MIGA2: variants seen among roughly 807,000 people sequenced by gnomAD.
The protein encoded by MIGA2 is mitoguardin 2, also known as family with sequence similarity 73, member B.
MIGA2 carries 36 observed loss-of-function variants against 69.9 expected under a neutral mutation model. The observed-to-expected ratio is 0.52, with a 90% CI of 0.39 to 0.68. MIGA2 has a LOEUF of 0.68. MIGA2 is among the 30% of genes least tolerant of loss of function. The pLI is 0.00. For synonymous variants in MIGA2, 333 were observed against 349.2 expected, an observed-to-expected ratio of 0.95 and a Z score of 0.52; for missense variants, 660 against 787.7, an observed-to-expected ratio of 0.84 and a Z score of 1.94.
Position 129,049,507 on chromosome 9 carries a change from A to G in MIGA2, c.538+9A>G, listed in dbSNP as rs1178304363. On this transcript the variant is annotated intron_variant, in intron 5 of 15. Coordinates refer to ENST00000684074, the MANE Select transcript of MIGA2 (RefSeq NM_001329990.2). ...GAGCCTGTACATGCAAGGTGTGGCC[A>G]GGAGGTGCCTCAGCTTCGAGGGCAG... is the stretch of plus-strand genomic sequence containing the variant. 1 of 1,612,136 alleles carries G rather than the reference A, an allele frequency of 6.2e-7. No individual in the cohort carries two copies. The highest frequency in any genetic ancestry group is 8.5e-7 in the Non-Finnish European group (1 of 1,178,954).
intron 3 of MIGA2, among the ~76,000 whole-genome samples, chr9:129,045,844 G>GT (rs1433366299): frequency 4.0e-5 from 6 of 148,884 alleles, no homozygotes; most frequent in African/African-American, 1.5e-4. Context: ...AAAAATAAGT[G>GT]TTTTGTTTTT....
chr9:129,037,131 G>T (rs958663078), intron 1 of MIGA2: 14 of 858,170 alleles, frequency 1.6e-5, no homozygotes, highest in Non-Finnish European at 2.0e-5. Flanking sequence ...CCAACGCGGG[G>T]ATGCCCGGTG....
chr9:129,061,378 G>A lies in MIGA2; in HGVS notation c.1010+32G>A. 6.6e-7 allele frequency: 1 copy of A among 1,523,460 alleles called. No homozygotes were observed. The allele number at this position is 1,523,460 out of a possible 1,614,324, so 94.4% of individuals were successfully genotyped here. A position where few individuals can be genotyped will look rare whatever the true frequency, so the allele number is the denominator to read the frequency against. On this transcript the variant is annotated intron_variant, in intron 9 of 15. Coordinates refer to ENST00000684074, the MANE Select transcript of MIGA2 (RefSeq NM_001329990.2). This position sits in a 1 kb window ranked among gnomAD's most constrained non-coding sequence, Gnocchi z 5.0. ...AGGTGTGGAGGGAGGGAGGGAGGGAGCAGGAGGCGATGGGTGATTCTGGCC... is the reference window on the plus strand; with the variant it reads ...AGGTGTGGAGGGAGGGAGGGAGGGAACAGGAGGCGATGGGTGATTCTGGCC...
chr9:129,070,621 C>T lies in MIGA2; in HGVS notation c.*168C>T, dbSNP rs533754929. 2.7e-6 allele frequency: 2 copies of T among 733,118 alleles called. No homozygotes were observed. The highest frequency in any genetic ancestry group is 4.3e-6 in the Non-Finnish European group (2 of 463,966). 45.4% of individuals were successfully genotyped at this position (733,118 alleles called of 1,614,324 possible). A position where few individuals can be genotyped will look rare whatever the true frequency, so the allele number is the denominator to read the frequency against. On this transcript the variant is annotated 3_prime_UTR_variant, in exon 16 of 16. Transcript: ENST00000684074. The stretch of plus-strand genomic sequence containing the variant: ...GACATTTCCATGGAGAAGAACGGTT[C>T]CTGGGGGAAGCAGAGGCCAGGACCA...
At position 129,059,125 on chromosome 9, in the gene MIGA2, TG is replaced by T. The variant is rs142623488; in HGVS notation, c.676-26del. 3.8e-3 allele frequency: 6,058 copies of T among 1,602,518 alleles called. 206 individuals carry two copies. In the African/African-American group the frequency reaches 0.07, roughly 19 times the overall value. On this transcript the variant is annotated intron_variant, in intron 6 of 15. Transcript: ENST00000684074. The surrounding 1 kb of genome is among the most constrained non-coding windows in gnomAD (Gnocchi z 5.6). ...ATTTTCATCGGGAGCTTTGAGGGTC[TG>T]GGTTGAGGGTCCTTGTTTTTATGGC...
intron 4 of MIGA2, among the ~76,000 whole-genome samples, chr9:129,049,020 C>T (rs1845380741): frequency 1.3e-5 from 2 of 152,130 alleles, no homozygotes; most frequent in South Asian, 2.1e-4. Context: ...GGATGAGAGG[C>T]AGGACCCTGG....
At position 129,049,468 on chromosome 9, in the gene MIGA2, G is replaced by A. The variant is rs187393642; in HGVS notation, c.508G>A (p.Asp170Asn). ...RGMEESLTTS[D>N]GNAESLYMQG... ...GATGGAGGAGTCTCTGACCACCAGC[G>A]ACGGCAATGCAGAGAGCCTGTACAT... Residue 170 changes from aspartate (D) to asparagine (N), a missense_variant, in exon 5 of 16, where the codon GAC becomes AAC. Transcript: ENST00000684074. The A allele has an allele frequency of 2.3e-5, 37 of 1,613,580 alleles. No homozygotes were observed. In the East Asian group the frequency reaches 7.4e-4, roughly 32 times the overall value.
Position 129,048,464 on chromosome 9 carries a change from G to A in MIGA2, c.345G>A (p.Lys115=), listed in dbSNP as rs143058239. The change falls in exon 4 of 16, where the codon AAG becomes AAA. Residue 115 remains lysine (K), a synonymous_variant. Transcript: ENST00000684074. The part of the protein sequence containing the change: ...SSRRVQSPSS[K]SNDTLSGISS... ...GGAGAGTCCAGAGCCCCAGCAGCAA[G>A]AGCAACGACACCCTGAGTGGCATCT... is the stretch of plus-strand genomic sequence containing the variant. 7 of 1,613,974 alleles carry A rather than the reference G, an allele frequency of 4.3e-6. No homozygotes were observed. Among genetic ancestry groups the A allele is most frequent in the Non-Finnish European group, 4.2e-6 (5 of 1,179,984 alleles).
chr9:129,046,481 A>T (rs1457639339), intron 3 of MIGA2, among the ~76,000 whole-genome samples: 2 of 148,454 alleles, frequency 1.3e-5, no homozygotes, highest in African/African-American at 2.5e-5. Flanking sequence ...TTTTGGAGAC[A>T]GAGTCTTGCC....
rs189293559 is a variant in MIGA2 at position 129,037,646 on chromosome 9, G to A, written c.-144+965G>A. On this transcript the variant is annotated intron_variant, in intron 1 of 15. Coordinates refer to ENST00000684074, the MANE Select transcript of MIGA2 (RefSeq NM_001329990.2). The stretch of plus-strand genomic sequence containing the variant: ...CACCTGCAGGCTCTGCCTCCCAGTG[G>A]GGACAGCAGGGGCTGCTCTGGACTC... Among the ~76,000 whole-genome samples the A allele has an allele frequency of 9.2e-5, 14 of 152,214 alleles. No homozygotes were observed. In the East Asian group the frequency reaches 2.7e-3, roughly 29 times the overall value.
intron 3 of MIGA2, 104 bp downstream of exon 3, chr9:129,042,618 T>C (rs927343856): frequency 1.4e-5 from 17 of 1,203,682 alleles, no homozygotes; most frequent in Non-Finnish European, 1.9e-5. Context: ...AGTGTCTTCC[T>C]GTCTCAGAGC....
intron 6 of MIGA2, among the ~76,000 whole-genome samples, chr9:129,054,129 C>A (rs1027467854): frequency 2.6e-5 from 4 of 152,134 alleles, no homozygotes; most frequent in African/African-American, 9.7e-5. Context: ...TCTATTATCA[C>A]AATCAGTTTT....
intron 3 of MIGA2, among the ~76,000 whole-genome samples, chr9:129,045,318 T>G (rs1845157378): frequency 6.6e-6 from 1 of 151,342 alleles, no homozygotes; most frequent in South Asian, 2.1e-4. Context: ...GGTGCATGCC[T>G]GTAATCCCAG....
intron 1 of MIGA2, among the ~76,000 whole-genome samples, chr9:129,037,908 C>T (rs1298299191): frequency 2.0e-5 from 3 of 152,154 alleles, no homozygotes; most frequent in East Asian, 1.9e-4. Flanking sequence ...TCAGAGCCTC[C>T]GCGTTTCCCC....
Position 129,059,326 on chromosome 9 carries a change from TGAG to T in MIGA2, c.793+59_793+61del. The stretch of plus-strand genomic sequence containing the variant: ...GCGTGGAGGGTGGCAGGGATGGAGG[TGAG>T]GAGAAGTTGCGAGAACCGGGTCGTG... On this transcript the variant is annotated intron_variant, in intron 7 of 15. Transcript: ENST00000684074. The surrounding 1 kb of genome is among the most constrained non-coding windows in gnomAD (Gnocchi z 5.6). 2 of 1,398,368 alleles carry T rather than the reference TGAG, an allele frequency of 1.4e-6. No individual in the cohort carries two copies. The highest frequency in any genetic ancestry group is 2.0e-6 in the Non-Finnish European group (2 of 1,013,782). The allele number at this position is 1,398,368 out of a possible 1,614,324, so 86.6% of individuals were successfully genotyped here.
At chr9:129,067,670 G>T in intron 11 of MIGA2, 103 bp from the exon 12 acceptor site, 1 of 1,005,278 alleles carries the variant, frequency 9.9e-7, no homozygotes, top group South Asian at 1.5e-5. Flanking sequence ...CTGCTGCGTG[G>T]GGATGGGCCC....
chr9:129,039,273 T>C (rs1319946371), intron 1 of MIGA2, among the ~76,000 whole-genome samples: 5 of 151,272 alleles, frequency 3.3e-5, no homozygotes, highest in Non-Finnish European at 7.4e-5. Flanking sequence ...TGAGATGGAG[T>C]CTCACTCTAT....
At chr9:129,040,345 G>T in intron 1 of MIGA2, 107 bp from the exon 2 acceptor site, 1 of 778,774 alleles carries the variant, frequency 1.3e-6, no homozygotes, top group Admixed American at 4.5e-5. Flanking sequence ...GGGTTCCAGA[G>T]GCAAGCTTTG....
At chr9:129,037,962 C>T (rs976186893) in intron 1 of MIGA2, among the ~76,000 whole-genome samples, 1 of 152,178 alleles carries the variant, frequency 6.6e-6, no homozygotes. Flanking sequence ...TCTGAGAGGA[C>T]TGGACCCAAA....
Sources: allele counts gnomAD v4.1 joint callset (sites outside exome capture counted in the v4.1 genomes callset), GRCh38; gene constraint gnomAD v4.1.1; non-coding constraint Gnocchi (gnomAD v3.1); transcripts MANE v1.5; gene names NCBI Gene and HGNC (gene_info 2026-07-23, HGNC 2026-07-21).